The following MBD5 variants were observed in gnomAD, a reference collection of about 807,000 sequenced individuals.
MBD5 encodes the protein methyl-CpG-binding domain protein 5.
In MBD5, 13 loss-of-function variants were observed where a neutral mutation model predicts 117.3. The observed-to-expected ratio is 0.11, with a 90% CI of 0.07 to 0.18. The LOEUF (loss-of-function observed/expected upper bound fraction) is 0.18. Ranked by LOEUF, MBD5 falls within the 10% of genes least tolerant of loss-of-function variation. MBD5 has a pLI of 1.00. For synonymous variants in MBD5, 727 were observed against 766.4 expected, an observed-to-expected ratio of 0.95 and a Z score of 0.85; for missense variants, 1,879 against 2,093.8, an observed-to-expected ratio of 0.90 and a Z score of 2.00.
chr2:148,168,287 C>A (rs904388312), intron 1 of MBD5, among the ~76,000 whole-genome samples: 1 of 152,140 alleles, frequency 6.6e-6, no homozygotes, highest in African/African-American at 2.4e-5. Flanking sequence ...TTAGGATGAA[C>A]CTGAACAGTG....
At chr2:148,035,721 A>G (rs1694177312) in intron 1 of MBD5, among the ~76,000 whole-genome samples, 1 of 152,230 alleles carries the variant, frequency 6.6e-6, no homozygotes, top group South Asian at 2.1e-4. Flanking sequence ...CCCTAGAGCC[A>G]GACTGTCTGG....
intron 3 of MBD5, among the ~76,000 whole-genome samples, chr2:148,290,116 C>A (rs892743696): frequency 1.0e-4 from 15 of 149,624 alleles, no homozygotes; most frequent in Non-Finnish European, 1.5e-5. Flanking sequence ...CCACCACGCC[C>A]AGCTAATTTT....
chr2:148,115,627 G>A (rs1160693655), intron 1 of MBD5, among the ~76,000 whole-genome samples: 1 of 151,726 alleles, frequency 6.6e-6, no homozygotes, highest in African/African-American at 2.4e-5. Flanking sequence ...GGAGAATTTT[G>A]CATACTAAGA....
chr2:148,159,011 C>T (rs531949835), intron 1 of MBD5, among the ~76,000 whole-genome samples: 19 of 152,300 alleles, frequency 1.2e-4, no homozygotes, highest in African/African-American at 3.4e-4. Flanking sequence ...CGTGAACCAC[C>T]GTGCCCGGCC....
intron 1 of MBD5, among the ~76,000 whole-genome samples, chr2:148,087,911 A>C (rs1362158435): frequency 6.6e-6 from 1 of 152,208 alleles, no homozygotes; most frequent in African/African-American, 2.4e-5. Context: ...TTGACTATTA[A>C]GCTATTCAAA....
chr2:148,098,987 C>T (rs73007176), intron 1 of MBD5, among the ~76,000 whole-genome samples: 12,342 of 152,058 alleles, frequency 0.081, 633 homozygotes, highest in African/African-American at 0.14. Flanking sequence ...CCCGAGAGGT[C>T]GAGGCTGCAG....
intron 2 of MBD5, among the ~76,000 whole-genome samples, chr2:148,198,330 A>C (rs991135196): frequency 5.3e-5 from 8 of 152,196 alleles, no homozygotes; most frequent in African/African-American, 1.9e-4. Flanking sequence ...AGACAACTCT[A>C]CCACCAAATT....
chr2:148,370,366 T>C (rs571402635), intron 4 of MBD5, among the ~76,000 whole-genome samples: 1 of 152,354 alleles, frequency 6.6e-6, no homozygotes, highest in South Asian at 2.1e-4. Context: ...CCCAGAAATG[T>C]AGTATTACAC....
chr2:148,200,997 T>C (rs1280730823), intron 2 of MBD5, among the ~76,000 whole-genome samples: 3 of 152,236 alleles, frequency 2.0e-5, no homozygotes, highest in Non-Finnish European at 4.4e-5. Flanking sequence ...GTACCAACCA[T>C]CTGCCAGGGA....
chr2:148,446,103 G>C (rs985399917), intron 4 of MBD5, among the ~76,000 whole-genome samples: 1 of 150,984 alleles, frequency 6.6e-6, no homozygotes, highest in Admixed American at 6.6e-5. Context: ...TCTGATGGTA[G>C]TTTCTTTTGC....
intron 4 of MBD5, among the ~76,000 whole-genome samples, chr2:148,386,895 T>A (rs1024404216): frequency 6.6e-6 from 1 of 152,044 alleles, no homozygotes; most frequent in East Asian, 1.9e-4. Flanking sequence ...CTGTAAATAT[T>A]AAAGAATCAA....
At chr2:148,136,382 G>C (rs1697173673) in intron 1 of MBD5, among the ~76,000 whole-genome samples, 1 of 152,090 alleles carries the variant, frequency 6.6e-6, no homozygotes, top group Admixed American at 6.5e-5. Context: ...AGAAAAGTGA[G>C]AAGTTGAAAT....
Position 148,510,272 on chromosome 2 carries a change from A to G in MBD5, c.5112+137A>G, listed in dbSNP as rs1682178243. 4 of 659,104 alleles carry G rather than the reference A, an allele frequency of 6.1e-6. No homozygotes were observed. In the Admixed American group the frequency reaches 1.1e-4, roughly 18 times the overall value. The allele number at this position is 659,104 out of a possible 1,614,324, so 40.8% of individuals were successfully genotyped here. A position where few individuals can be genotyped will look rare whatever the true frequency, so the allele number is the denominator to read the frequency against. ...TTACTAGCCTAGAAAAAAAAGACAA[A>G]TATTAGAAAAGATTCAAAGTCATTT... is the stretch of plus-strand genomic sequence containing the variant. On this transcript the variant is annotated intron_variant, in intron 13 of 13. Coordinates refer to ENST00000642680, the MANE Select transcript of MBD5 (RefSeq NM_001378120.1).
chr2:148,144,591 T>C (rs1350505308), intron 1 of MBD5, among the ~76,000 whole-genome samples: 3 of 152,240 alleles, frequency 2.0e-5, no homozygotes, highest in Non-Finnish European at 4.4e-5. Flanking sequence ...GTCTAACATT[T>C]AAATCTTTAA....
At chr2:148,166,023 C>G (rs941035714) in intron 1 of MBD5, among the ~76,000 whole-genome samples, 1 of 152,012 alleles carries the variant, frequency 6.6e-6, no homozygotes, top group African/African-American at 2.4e-5. Context: ...TTTGTATTGT[C>G]ACCTGTGAAA....
intron 3 of MBD5, among the ~76,000 whole-genome samples, chr2:148,276,266 G>C (rs1362734585): frequency 2.0e-5 from 3 of 151,746 alleles, no homozygotes; most frequent in Non-Finnish European, 4.4e-5. Context: ...GCTGCAGTAA[G>C]CTATGATCAT....
intron 1 of MBD5, among the ~76,000 whole-genome samples, chr2:148,072,603 C>T (rs545878714): frequency 7.9e-5 from 12 of 152,226 alleles, no homozygotes; most frequent in Middle Eastern, 3.4e-3. Flanking sequence ...TTTAATACGA[C>T]GTGCCTCTTC....
At position 148,340,656 on chromosome 2, in the gene MBD5, T is replaced by C. The variant is rs1027897351; in HGVS notation, c.-679-1558T>C. 1.1e-4 allele frequency among the ~76,000 whole-genome samples: 17 copies of C among 152,212 alleles called. 1 individual carries two copies. In the South Asian group the frequency reaches 2.5e-3, roughly 22 times the overall value. ...AGTTTCTAATGATTGAGGGAGTTGA[T>C]AAAATCAAGTTTCTGCCTTTTGAAG... On this transcript the variant is annotated intron_variant, in intron 3 of 13. Coordinates refer to ENST00000642680, the MANE Select transcript of MBD5 (RefSeq NM_001378120.1).
chr2:148,478,635 C>A (rs1426871922), intron 8 of MBD5, among the ~76,000 whole-genome samples: 1 of 152,180 alleles, frequency 6.6e-6, no homozygotes, highest in African/African-American at 2.4e-5. Context: ...CTGTCTTAAT[C>A]TCTGGGTGTC....
Sources: allele counts gnomAD v4.1 joint callset (sites outside exome capture counted in the v4.1 genomes callset), GRCh38; gene constraint gnomAD v4.1.1; transcripts MANE v1.5; gene names NCBI Gene and HGNC (gene_info 2026-07-23, HGNC 2026-07-21).